ZNF257: variants seen among roughly 807,000 people sequenced by gnomAD.
The protein encoded by ZNF257 is bone marrow zinc finger 4.
A neutral mutation model predicts 11.9 loss-of-function variants in ZNF257; 12 were observed. The observed-to-expected ratio is 1.01, with a 90% CI of 0.65 to 1.63. The LOEUF (loss-of-function observed/expected upper bound fraction) is 1.63. Ranked by LOEUF, ZNF257 falls within the 40% of genes most tolerant of loss-of-function variation. The probability of loss-of-function intolerance (pLI) is 0.00; values close to 1 mark genes in which losing one functional copy is unlikely to be tolerated. For synonymous variants in ZNF257, 183 were observed against 222.7 expected (o/e 0.82, Z 1.59); for missense variants, 580 against 665.5 (o/e 0.87, Z 1.41).
chr19:22,071,458 AGAG>A (rs1276854322), intron 1 of ZNF257, among the ~76,000 whole-genome samples: 9 of 151,932 alleles, frequency 5.9e-5, no homozygotes, highest in African/African-American at 9.7e-5. Flanking sequence ...CAAGAATTCC[AGAG>A]GAGAAGGAGG....
intron 3 of ZNF257, among the ~76,000 whole-genome samples, chr19:22,078,255 A>T (rs1221705342): frequency 2.0e-5 from 3 of 151,284 alleles, no homozygotes; most frequent in Non-Finnish European, 3.0e-5. Context: ...AAAAAAAAAA[A>T]AAATTATAGT....
intron 3 of ZNF257, 149 bp downstream of exon 3, chr19:22,073,713 T>C: frequency 1.9e-6 from 2 of 1,034,150 alleles, no homozygotes; most frequent in South Asian, 3.4e-5. Flanking sequence ...TTTTTTTCTT[T>C]GCTCTCACAT....
intron 1 of ZNF257, among the ~76,000 whole-genome samples, chr19:22,070,170 C>A (rs371919734): frequency 2.7e-5 from 4 of 150,796 alleles, no homozygotes; most frequent in Non-Finnish European, 5.9e-5. Flanking sequence ...AAAACCAGTG[C>A]TTGCAGAGAC....
At chr19:22,075,334 G>A (rs1353206806) in intron 3 of ZNF257, 1 of 152,514 alleles carries the variant, frequency 6.6e-6, no homozygotes, top group African/African-American at 2.4e-5. Flanking sequence ...GAGTACCACA[G>A]AGGATTTCCT....
At position 22,086,650 on chromosome 19, in the gene ZNF257, C is replaced by CT. The variant is rs954484150; in HGVS notation, c.227-1317dup. 3.7e-3 allele frequency among the ~76,000 whole-genome samples: 539 copies of CT among 147,206 alleles called. 3 individuals carry two copies. The highest frequency in any genetic ancestry group is 0.012 in the African/African-American group (500 of 40,204). ...TCGGGATTTGGTTATTTTAGAAGGT[C>CT]TTTTTTTTTTATTTATTTGGTAGGA... On this transcript the variant is annotated intron_variant, in intron 3 of 3. Coordinates refer to ENST00000594947, the MANE Select transcript of ZNF257 (RefSeq NM_033468.4).
chr19:22,089,409 C>T lies in ZNF257; in HGVS notation c.1659C>T (p.Asn553=), dbSNP rs1311034575. The T allele has an allele frequency of 6.2e-7, 1 of 1,611,478 alleles. No homozygotes were observed. Among genetic ancestry groups the T allele is most frequent in the Admixed American group, 1.7e-5 (1 of 59,600 alleles). Residue 553 remains asparagine, a synonymous_variant, in exon 4 of 4, where the codon AAC becomes AAT. Coordinates refer to ENST00000594947, the MANE Select transcript of ZNF257 (RefSeq NM_033468.4). The stretch of plus-strand genomic sequence containing the variant: ...ATGAAGAATGTGGCAAAGCTTGTAA[C>T]CATTCCTCAAACCTTACTAAACATA... ...NKYEECGKAC[N]HSSNLTKHNS
At chr19:22,055,614 A>C (rs2145682302) in intron 1 of ZNF257, among the ~76,000 whole-genome samples, 1 of 152,346 alleles carries the variant, frequency 6.6e-6, no homozygotes, top group African/African-American at 2.4e-5. Flanking sequence ...AGTGGGGCAT[A>C]GTGCAGTTTC....
chr19:22,076,477 A>T (rs966208249), intron 3 of ZNF257, among the ~76,000 whole-genome samples: 4 of 152,064 alleles, frequency 2.6e-5, no homozygotes, highest in Non-Finnish European at 5.9e-5. Context: ...GTTTATGATT[A>T]TTCTGCATTA....
At chr19:22,080,137 G>A (rs769876546) in intron 3 of ZNF257, among the ~76,000 whole-genome samples, 1 of 151,884 alleles carries the variant, frequency 6.6e-6, no homozygotes, top group Admixed American at 6.6e-5. Flanking sequence ...GCATTACCAC[G>A]TCTGGCTAAT....
At chr19:22,078,993 T>C (rs1166997709) in intron 3 of ZNF257, among the ~76,000 whole-genome samples, 2 of 152,100 alleles carry the variant, frequency 1.3e-5, no homozygotes, top group Non-Finnish European at 2.9e-5. Flanking sequence ...GGTTTCTCCA[T>C]GTTGGTCAGG....
intron 3 of ZNF257, among the ~76,000 whole-genome samples, chr19:22,083,916 G>A (rs918066846): frequency 6.6e-6 from 1 of 152,064 alleles, no homozygotes; most frequent in Non-Finnish European, 1.5e-5. Flanking sequence ...AAGGTGGGTG[G>A]ATCACCTGAG....
chr19:22,082,225 C>A (rs2022376119), intron 3 of ZNF257, among the ~76,000 whole-genome samples: 1 of 152,086 alleles, frequency 6.6e-6, no homozygotes, highest in African/African-American at 2.4e-5. Context: ...TATGCACCAT[C>A]ATTATAATAG....
In ZNF257 at chr19:22,078,236, TAA is replaced by T. The variant is rs56056830; in HGVS notation, c.226+4693_226+4694del. Among the ~76,000 whole-genome samples the T allele has an allele frequency of 3.9e-3, 396 of 102,134 alleles. 2 individuals are homozygous for T. The highest frequency in any genetic ancestry group is 0.012 in the African/African-American group (337 of 28,518). 67.0% of individuals were successfully genotyped at this position (102,134 alleles called of 152,430 possible). A position where few individuals can be genotyped will look rare whatever the true frequency, so the allele number is the denominator to read the frequency against. On this transcript the variant is annotated intron_variant, in intron 3 of 3. Transcript: ENST00000594947. ...CTGGGCAACAGAGGGAGACTCCAAC[TAA>T]AAAAAAAAAAAAAAAAAAAATTATA... is the stretch of plus-strand genomic sequence containing the variant.
At chr19:22,073,080 C>T in intron 2 of ZNF257, 145 bp downstream of exon 2, 1 of 1,044,190 alleles carries the variant, frequency 9.6e-7, no homozygotes, top group South Asian at 2.1e-5. Context: ...TCCCTGTTTT[C>T]AAGAAAATCA....
intron 1 of ZNF257, among the ~76,000 whole-genome samples, chr19:22,071,491 T>C (rs997832805): frequency 5.3e-5 from 8 of 151,970 alleles, no homozygotes; most frequent in East Asian, 3.9e-4. Context: ...CTTTTTTTTT[T>C]CAACTAAACA....
intron 3 of ZNF257, among the ~76,000 whole-genome samples, chr19:22,076,964 A>G (rs2022238684): frequency 6.6e-6 from 1 of 152,128 alleles, no homozygotes; most frequent in Non-Finnish European, 1.5e-5. Flanking sequence ...CTGGGATTAT[A>G]GGTATGAGCC....
At chr19:22,068,853 C>T (rs1258082646) in intron 1 of ZNF257, among the ~76,000 whole-genome samples, 1 of 152,162 alleles carries the variant, frequency 6.6e-6, no homozygotes, top group African/African-American at 2.4e-5. Context: ...TAGAATCAGC[C>T]TAAATCTCTT....
intron 3 of ZNF257, 96 bp downstream of exon 3, chr19:22,073,660 G>T: frequency 7.0e-7 from 1 of 1,433,668 alleles, no homozygotes; most frequent in Non-Finnish European, 9.4e-7. Context: ...TTCGGAAGCT[G>T]TATTCCAAGG....
At chr19:22,079,945 G>A (rs2022322603) in intron 3 of ZNF257, among the ~76,000 whole-genome samples, 1 of 152,080 alleles carries the variant, frequency 6.6e-6, no homozygotes. Flanking sequence ...ATTGTGGTCA[G>A]AAAACGCACA....
Sources: allele counts gnomAD v4.1 joint callset (sites outside exome capture counted in the v4.1 genomes callset), GRCh38; gene constraint gnomAD v4.1.1; transcripts MANE v1.5; gene names NCBI Gene and HGNC (gene_info 2026-07-23, HGNC 2026-07-21).